Variants in ABCA3 observed in about 807,000 individuals in gnomAD.
ABCA3 encodes the protein phospholipid-transporting ATPase ABCA3.
A neutral mutation model predicts 172.8 loss-of-function variants in ABCA3; 88 were observed. That is an observed-to-expected ratio of 0.51 (90% CI 0.43 to 0.61). The LOEUF (loss-of-function observed/expected upper bound fraction) is 0.61, where lower values mean the gene tolerates loss of function less well. Ranked by LOEUF, ABCA3 falls within the 20% of genes least tolerant of loss-of-function variation. The pLI, the probability that ABCA3 is intolerant of heterozygous loss-of-function variation, is 0.00. For missense variants in ABCA3, 2,164 were observed against 2,301.0 expected, an observed-to-expected ratio of 0.94 and a Z score of 1.22; for synonymous variants, 1,066 against 983.8, an observed-to-expected ratio of 1.08 and a Z score of -1.56.
intron 1 of ABCA3, chr16:2,332,264 C>A: frequency 2.1e-6 from 1 of 480,186 alleles, no homozygotes; most frequent in South Asian, 3.5e-5. Context: ...CTTTAAAATC[C>A]TTCAAAATCT....
Position 2,323,414 on chromosome 16 carries a change from T to C in ABCA3, c.613+109A>G, listed in dbSNP as rs140583822. On this transcript the variant is annotated intron_variant, in intron 7 of 32. Coordinates refer to ENST00000301732, the MANE Select transcript of ABCA3 (RefSeq NM_001089.3). ...AGACTTGGAACCAAGCCAAATGTCC[T>C]GAAAAGTATTTCTTCAAGAAATACT... 5.2e-3 allele frequency: 7,503 copies of C among 1,445,828 alleles called. 529 individuals are homozygous for C. The Admixed American group carries it at 0.12, about 23-fold the overall frequency. The allele number at this position is 1,445,828 out of a possible 1,614,324, so 89.6% of individuals were successfully genotyped here.
chr16:2,329,407 C>A (rs991282891), intron 2 of ABCA3, among the ~76,000 whole-genome samples: 2 of 152,076 alleles, frequency 1.3e-5, no homozygotes, highest in African/African-American at 4.8e-5. Context: ...TCCAGATGGG[C>A]GTGGGGTTGG....
intron 10 of ABCA3, among the ~76,000 whole-genome samples, chr16:2,311,655 G>A (rs2093706926): frequency 6.6e-6 from 1 of 152,136 alleles, no homozygotes; most frequent in Non-Finnish European, 1.5e-5. Context: ...CTGAGTAGAT[G>A]GGATTACAGG....
rs997304312 is a variant in ABCA3 at position 2,326,189 on chromosome 16, T to A, written c.140A>T (p.Gln47Leu). ...GILIWLRLKI[Q>L]SENVPNATIY... ...GGTGGCGTTGGGCACATTTTCCGAC[T>A]GAATCTTCAAGCGGAGCCAGATGAG... Residue 47 changes from glutamine (Q) to leucine (L), a missense_variant, in exon 5 of 33, where the codon CAG (glutamine) becomes CTG (leucine). Transcript: ENST00000301732. The A allele has an allele frequency of 8.7e-6, 14 of 1,614,006 alleles. No homozygotes were observed. The African/African-American group carries it at 1.3e-4, about 15-fold the overall frequency.
At chr16:2,314,871 T>C (rs1287094177) in intron 10 of ABCA3, among the ~76,000 whole-genome samples, 1 of 143,708 alleles carries the variant, frequency 7.0e-6, no homozygotes, top group Non-Finnish European at 1.5e-5. Context: ...TAGTGCCTGG[T>C]CTTTTTTTTT....
chr16:2,288,444 A>T, intron 20 of ABCA3, 115 bp from the exon 21 acceptor site: 6 of 1,252,920 alleles, frequency 4.8e-6, no homozygotes, highest in East Asian at 2.6e-5. Flanking sequence ...CCTGCAGCTG[A>T]GGTTGCACCG....
In ABCA3 at chr16:2,297,781, G is replaced by C; in HGVS notation, c.2037C>G (p.Leu679=). The part of the protein sequence containing the change: ...MRRKLSIGIA[L]IAGSKVLILD... The stretch of plus-strand genomic sequence containing the variant: ...ACCGCCACACCTTGGAGCCTGCGAT[G>C]AGGGCGATGCCGATGGAGAGCTTGC... Residue 679 remains leucine (L), a synonymous_variant, in exon 16 of 33, where the codon CTC becomes CTG. Transcript: ENST00000301732. This position sits in a 1 kb window ranked among gnomAD's most constrained non-coding sequence, Gnocchi z 5.6. 6.2e-7 allele frequency: 1 copy of C among 1,612,650 alleles called. No individual in the cohort carries two copies. Among genetic ancestry groups the C allele is most frequent in the Non-Finnish European group, 8.5e-7 (1 of 1,180,038 alleles).
chr16:2,278,888 T>C lies in ABCA3; in HGVS notation c.4547+55A>G, dbSNP rs7190259. Reference sequence around the variant, plus strand: ...AGCGGTCACTCCCAGCTCTATGCTATGGGGACCTTGATTCTGACTCCACTC... The same window carrying C: ...AGCGGTCACTCCCAGCTCTATGCTACGGGGACCTTGATTCTGACTCCACTC... On this transcript the variant is annotated intron_variant, in intron 29 of 32. Coordinates refer to ENST00000301732, the MANE Select transcript of ABCA3 (RefSeq NM_001089.3). The surrounding 1 kb of genome is among the most constrained non-coding windows in gnomAD (Gnocchi z 4.4). 5.7e-3 allele frequency: 9,245 copies of C among 1,610,498 alleles called. 412 individuals carry two copies. The African/African-American group carries it at 0.098, about 17-fold the overall frequency.
intron 10 of ABCA3, among the ~76,000 whole-genome samples, chr16:2,312,369 C>T (rs1263334465): frequency 1.3e-5 from 2 of 152,134 alleles, no homozygotes; most frequent in African/African-American, 4.8e-5. Flanking sequence ...TGTACATGTA[C>T]TTTTCCTCAA....
chr16:2,292,339 C>A lies in ABCA3; in HGVS notation c.2415-101G>T, dbSNP rs543407799. On this transcript the variant is annotated intron_variant, in intron 18 of 32. Coordinates refer to ENST00000301732, the MANE Select transcript of ABCA3 (RefSeq NM_001089.3). ...CCTCGGCCAGGCACAGTGCCTCACA[C>A]CTGTAACCCCAGCACTTTGGGACGC... The A allele has an allele frequency of 5.1e-6, 5 of 971,094 alleles. No homozygotes were observed. The South Asian group carries it at 6.8e-5, about 13-fold the overall frequency. 60.2% of individuals were successfully genotyped at this position (971,094 alleles called of 1,614,324 possible).
intron 8 of ABCA3, 129 bp downstream of exon 8, chr16:2,319,452 T>A: frequency 7.6e-7 from 1 of 1,321,194 alleles, no homozygotes; most frequent in Non-Finnish European, 1.0e-6. Context: ...ACCACTGCAC[T>A]CCAGCCTGGG....
intron 12 of ABCA3, 139 bp from the exon 13 acceptor site, chr16:2,300,287 A>G (rs2093686920): frequency 8.0e-7 from 1 of 1,256,674 alleles, no homozygotes; most frequent in Admixed American, 1.9e-5. Context: ...GGCGCTACTC[A>G]GGGAGAGCCC....
Position 2,276,092 on chromosome 16 carries a change from C to T in ABCA3, c.*582G>A, listed in dbSNP as rs1259393038. ...GATGCTGTGGGACGGTGCCCGGCTT[C>T]GCGGTGACTACCATGCCCTAAGGAG... On this transcript the variant is annotated 3_prime_UTR_variant, in exon 33 of 33. Coordinates refer to ENST00000301732, the MANE Select transcript of ABCA3 (RefSeq NM_001089.3). 2.6e-5 allele frequency: 8 copies of T among 311,682 alleles called. No individual in the cohort carries two copies. The highest frequency in any genetic ancestry group is 6.7e-5 in the African/African-American group (3 of 44,846). The allele number at this position is 311,682 out of a possible 1,614,324, so 19.3% of individuals were successfully genotyped here.
Position 2,287,216 on chromosome 16 carries a change from G to T in ABCA3, c.3005-249C>A, listed in dbSNP as rs568064694. ...GCAAAATAAGAAAACCTTCCAGTAG[G>T]TTCCATTAACCAGAGCACGGTCCCT... On this transcript the variant is annotated intron_variant, in intron 21 of 32. Transcript: ENST00000301732. This position sits in a 1 kb window ranked among gnomAD's most constrained non-coding sequence, Gnocchi z 4.1. Among the ~76,000 whole-genome samples the T allele has an allele frequency of 2.0e-5, 3 of 152,248 alleles. No homozygotes were observed. The highest frequency in any genetic ancestry group is 1.3e-4 in the Admixed American group (2 of 15,292).
At position 2,284,708 on chromosome 16, in the gene ABCA3, G is replaced by T. The variant is rs45455899; in HGVS notation, c.3703+71C>A. The stretch of plus-strand genomic sequence containing the variant: ...CTGAGTCCCGCCTCGGCTGTGGCTG[G>T]TGCCTCCCTGTCTGGGCGGAGTGGC... On this transcript the variant is annotated intron_variant, in intron 24 of 32. Transcript: ENST00000301732. This position sits in a 1 kb window ranked among gnomAD's most constrained non-coding sequence, Gnocchi z 5.9. 4.0e-3 allele frequency: 6,069 copies of T among 1,507,974 alleles called. 23 individuals carry two copies. The highest frequency in any genetic ancestry group is 4.2e-3 in the Non-Finnish European group (4,663 of 1,105,580). 93.4% of individuals were successfully genotyped at this position (1,507,974 alleles called of 1,614,324 possible).
chr16:2,314,240 C>A (rs1305950665), intron 10 of ABCA3, among the ~76,000 whole-genome samples: 1 of 143,282 alleles, frequency 7.0e-6, no homozygotes, highest in East Asian at 2.2e-4. Context: ...AATGGATGAA[C>A]AAGTAAACAA....
At chr16:2,288,351 T>C in intron 20 of ABCA3, 22 bp from the exon 21 acceptor site, 1 of 1,539,298 alleles carries the variant, frequency 6.5e-7, no homozygotes. Flanking sequence ...GGGACGCAGG[T>C]GACACCGGCA....
intron 10 of ABCA3, among the ~76,000 whole-genome samples, chr16:2,315,607 G>A (rs1198717011): frequency 2.0e-5 from 3 of 152,116 alleles, no homozygotes; most frequent in Non-Finnish European, 4.4e-5. Context: ...CGAAAATCAC[G>A]TGCACATCAG....
rs2141693219 is a variant in ABCA3 at position 2,283,667 on chromosome 16, T to TA, written c.3863-310dup. ...GCCTCCTGACCAGGACAGAGACCGT[T>TA]ACAAGCACCGAGGGGTGTGTGGGAG... On this transcript the variant is annotated intron_variant, in intron 25 of 32. Transcript: ENST00000301732. This position sits in a 1 kb window ranked among gnomAD's most constrained non-coding sequence, Gnocchi z 5.4. The TA allele has an allele frequency of 2.5e-6, 1 of 400,260 alleles. No homozygotes were observed. The highest frequency in any genetic ancestry group is 2.5e-5 in the South Asian group (1 of 40,238). The allele number at this position is 400,260 out of a possible 1,614,324, so 24.8% of individuals were successfully genotyped here. A position where few individuals can be genotyped will look rare whatever the true frequency, so the allele number is the denominator to read the frequency against.
Sources: allele counts gnomAD v4.1 joint callset (sites outside exome capture counted in the v4.1 genomes callset), GRCh38; gene constraint gnomAD v4.1.1; non-coding constraint Gnocchi (gnomAD v3.1); transcripts MANE v1.5; gene names NCBI Gene and HGNC (gene_info 2026-07-23, HGNC 2026-07-21).